AGO1: variants seen among roughly 807,000 people sequenced by gnomAD.
AGO1 encodes the protein protein argonaute-1.
A neutral mutation model predicts 109.2 loss-of-function variants in AGO1; 11 were observed. The ratio of observed to expected loss-of-function variants is 0.10; its 90% CI spans 0.06 to 0.17. The LOEUF is 0.17. Ranked by LOEUF, AGO1 falls within the 10% of genes least tolerant of loss-of-function variation. The pLI, the probability that AGO1 is intolerant of heterozygous loss-of-function variation, is 1.00. For missense variants in AGO1, 574 were observed against 1,140.3 expected, an observed-to-expected ratio of 0.50 and a Z score of 7.15; for synonymous variants, 422 against 418.6, an observed-to-expected ratio of 1.01 and a Z score of -0.10.
intron 12 of AGO1, among the ~76,000 whole-genome samples, chr1:35,909,241 T>A (rs1376417011): frequency 6.6e-6 from 1 of 152,230 alleles, no homozygotes; most frequent in Non-Finnish European, 1.5e-5. Flanking sequence ...AGTTTAATGT[T>A]TTCAGCTTTA....
Position 35,919,537 on chromosome 1 carries a change from G to A in AGO1, c.2504G>A (p.Arg835Gln), listed in dbSNP as rs1230155462. 1 of 1,614,106 alleles carries A rather than the reference G, an allele frequency of 6.2e-7. No individual in the cohort carries two copies. Residue 835 changes from arginine (R) to glutamine (Q), a missense_variant, in exon 19 of 19, where the codon CGG becomes CAG. By Grantham distance (43) the Arg-to-Gln change is conservative. Around this residue, in one of 8 missense-constraint regions of AGO1, gnomAD observed 33 missense variants for 44.2 expected, o/e 0.75. Transcript: ENST00000373204. This position sits in a 1 kb window ranked among gnomAD's most constrained non-coding sequence, Gnocchi z 6.6. ...GSHISGQSNG[R>Q]DPQALAKAVQ... ...CACATATCGGGGCAGAGCAATGGGC[G>A]GGACCCCCAGGCCCTGGCCAAAGCC... is the stretch of plus-strand genomic sequence containing the variant.
Position 35,883,343 on chromosome 1 carries a change from C to T in AGO1, c.-79C>T, listed in dbSNP as rs569338309. The T allele has an allele frequency of 1.9e-6, 3 of 1,549,300 alleles. No individual in the cohort carries two copies. Among genetic ancestry groups the T allele is most frequent in the Non-Finnish European group, 2.6e-6 (3 of 1,153,918 alleles). ...GAGCCCGGCCCGGGATCCCGAGCAG[C>T]GAGAGTGTGGGGTACCTAGGCCCCT... On this transcript the variant is annotated 5_prime_UTR_variant, in exon 1 of 19. Coordinates refer to ENST00000373204, the MANE Select transcript of AGO1 (RefSeq NM_012199.5). This position sits in a 1 kb window ranked among gnomAD's most constrained non-coding sequence, Gnocchi z 5.4.
At chr1:35,881,167 G>A (rs902108817), upstream of AGO1, among the ~76,000 whole-genome samples, 3 of 152,070 alleles carry the variant, frequency 2.0e-5, no homozygotes, top group African/African-American at 4.8e-5. Flanking sequence ...CCTCTACTTC[G>A]TATGTAAAGC....
chr1:35,896,849 A>G lies in AGO1; in HGVS notation c.1020+1580A>G, dbSNP rs114414052. ...ATGAAGGCAACATGTTCTCTGAGGT[A>G]TAAACAGAGGTCTTTAGGGACAATC... On this transcript the variant is annotated intron_variant, in intron 8 of 18. Coordinates refer to ENST00000373204, the MANE Select transcript of AGO1 (RefSeq NM_012199.5). Among the ~76,000 whole-genome samples the G allele has an allele frequency of 2.5e-3, 381 of 152,370 alleles. 3 individuals are homozygous for G. The highest frequency in any genetic ancestry group is 8.9e-3 in the African/African-American group (369 of 41,594).
rs1191894006 is a variant in AGO1 at position 35,914,018 on chromosome 1, C to T, written c.1742+17C>T. The T allele has an allele frequency of 9.3e-6, 15 of 1,613,554 alleles. No homozygotes were observed. In the Admixed American group the frequency reaches 2.5e-4, roughly 27 times the overall value. On this transcript the variant is annotated intron_variant, in intron 13 of 18. Transcript: ENST00000373204. ...ACACCAGCGGTATGAACTCTGTTGTCCACTTGCCCTTGTCAAGGTACCATG... is the reference window on the plus strand; with the variant it reads ...ACACCAGCGGTATGAACTCTGTTGTTCACTTGCCCTTGTCAAGGTACCATG...
chr1:35,907,154 G>A, intron 12 of AGO1, 35 bp downstream of exon 12: 1 of 1,576,914 alleles, frequency 6.3e-7, no homozygotes, highest in South Asian at 1.2e-5. Context: ...AATGGTGATA[G>A]GACTCTTCTC....
intron 1 of AGO1, among the ~76,000 whole-genome samples, chr1:35,875,251 A>G (rs1644983683): frequency 6.6e-6 from 1 of 152,198 alleles, no homozygotes; most frequent in African/African-American, 2.4e-5. Flanking sequence ...TTAGGGTCTA[A>G]TGTAGCTGGT....
intron 11 of AGO1, among the ~76,000 whole-genome samples, chr1:35,906,294 A>C (rs1418098973): frequency 6.6e-6 from 1 of 152,216 alleles, no homozygotes; most frequent in Non-Finnish European, 1.5e-5. Flanking sequence ...GAAAGGCCTT[A>C]CACGTGGGCA....
At chr1:35,913,301 G>A (rs1402105816) in intron 12 of AGO1, among the ~76,000 whole-genome samples, 3 of 152,010 alleles carry the variant, frequency 2.0e-5, no homozygotes, top group African/African-American at 7.3e-5. Flanking sequence ...TTACAGGCGT[G>A]AGCCACCGCG....
intron 1 of AGO1, among the ~76,000 whole-genome samples, chr1:35,874,377 A>G (rs914472612): frequency 6.6e-6 from 1 of 152,146 alleles, no homozygotes; most frequent in Non-Finnish European, 1.5e-5. Context: ...GAGTCTCACT[A>G]TAGTGCCCAG....
upstream of AGO1, among the ~76,000 whole-genome samples, chr1:35,881,822 G>A (rs908802976): frequency 6.6e-6 from 1 of 152,244 alleles, no homozygotes; most frequent in Non-Finnish European, 1.5e-5. Flanking sequence ...TTATGGGAAA[G>A]TGATGTTTGA....
At chr1:35,880,537 G>A (rs1645027203), upstream of AGO1, among the ~76,000 whole-genome samples, 1 of 152,184 alleles carries the variant, frequency 6.6e-6, no homozygotes, top group African/African-American at 2.4e-5. Flanking sequence ...TACAGCCTGG[G>A]TAACAGAGTA....
intron 12 of AGO1, among the ~76,000 whole-genome samples, 175 bp from the exon 13 acceptor site, chr1:35,913,667 G>A (rs1017050509): frequency 6.6e-6 from 1 of 151,878 alleles, no homozygotes; most frequent in Admixed American, 6.6e-5. Flanking sequence ...TATCAGCGTT[G>A]TAATTTTCAC....
intron 8 of AGO1, among the ~76,000 whole-genome samples, chr1:35,897,712 G>A (rs765475473): frequency 6.6e-6 from 1 of 152,074 alleles, no homozygotes; most frequent in Non-Finnish European, 1.5e-5. Flanking sequence ...CTGGGCAACA[G>A]AGGGAGACCC....
chr1:35,888,706 A>G lies in AGO1; in HGVS notation c.209+96A>G, dbSNP rs1645161770. 4.8e-5 allele frequency: 67 copies of G among 1,385,818 alleles called. No homozygotes were observed. Among genetic ancestry groups the G allele is most frequent in the Non-Finnish European group, 6.5e-5 (67 of 1,027,686 alleles). 85.8% of individuals were successfully genotyped at this position (1,385,818 alleles called of 1,614,324 possible). ...AGAAAAACCAGTAGAGGGTAGTATCACCAAATCTAAGGAAGTTTTTGAACG... is the reference window on the plus strand; with the variant it reads ...AGAAAAACCAGTAGAGGGTAGTATCGCCAAATCTAAGGAAGTTTTTGAACG... On this transcript the variant is annotated intron_variant, in intron 2 of 18. Transcript: ENST00000373204. This position sits in a 1 kb window ranked among gnomAD's most constrained non-coding sequence, Gnocchi z 4.1.
At chr1:35,903,961 C>CAA (rs199736774) in intron 11 of AGO1, among the ~76,000 whole-genome samples, 4 of 138,938 alleles carry the variant, frequency 2.9e-5, no homozygotes, top group African/African-American at 1.1e-4. Context: ...GACTCCATCT[C>CAA]AAAAAAAAAA....
At chr1:35,889,011 AAT>A (rs1645168443) in intron 2 of AGO1, among the ~76,000 whole-genome samples, 1 of 134,864 alleles carries the variant, frequency 7.4e-6, no homozygotes, top group African/African-American at 3.3e-5. Context: ...GGGAGAAATG[AAT>A]GGGATGTCCT....
chr1:35,903,562 A>G (rs1645461179), intron 11 of AGO1, among the ~76,000 whole-genome samples: 1 of 151,872 alleles, frequency 6.6e-6, no homozygotes, highest in Non-Finnish European at 1.5e-5. Flanking sequence ...TCATCATGAG[A>G]ATTCGTTCTT....
intron 15 of AGO1, among the ~76,000 whole-genome samples, chr1:35,915,768 G>C (rs969210641): frequency 1.3e-5 from 2 of 152,176 alleles, no homozygotes; most frequent in African/African-American, 4.8e-5. Flanking sequence ...TAAGTAGTTG[G>C]TTCATGTTGG....
Sources: allele counts gnomAD v4.1 joint callset (sites outside exome capture counted in the v4.1 genomes callset), GRCh38; gene constraint gnomAD v4.1.1; regional missense constraint gnomAD v4.1.1; non-coding constraint Gnocchi (gnomAD v3.1); transcripts MANE v1.5; gene names NCBI Gene and HGNC (gene_info 2026-07-23, HGNC 2026-07-21).